Variants in FKTN observed in about 807,000 individuals in gnomAD.
FKTN encodes the protein ribitol-5-phosphate transferase FKTN.
FKTN carries 47 observed loss-of-function variants against 58.6 expected under a neutral mutation model. The observed-to-expected ratio is 0.80, with a 90% CI of 0.63 to 1.02. The LOEUF (loss-of-function observed/expected upper bound fraction) is 1.02, where lower values mean the gene tolerates loss of function less well. Ranked by LOEUF, FKTN falls within the 50% of genes least tolerant of loss-of-function variation. The pLI, the probability that FKTN is intolerant of heterozygous loss-of-function variation, is 0.00. For synonymous variants in FKTN, 178 were observed against 191.9 expected, an observed-to-expected ratio of 0.93 and a Z score of 0.60; for missense variants, 516 against 537.3, an observed-to-expected ratio of 0.96 and a Z score of 0.39.
At chr9:105,577,922 T>A (rs1842057974) in intron 3 of FKTN, among the ~76,000 whole-genome samples, 1 of 151,510 alleles carries the variant, frequency 6.6e-6, no homozygotes, top group Admixed American at 6.6e-5. Context: ...TTTTATTCTC[T>A]TTGAAGCAAT....
rs926751304 is a variant in FKTN, at chr9:105,632,324, C to T, written c.1173-2727C>T. Reference sequence around the variant, plus strand: ...GGGAGATATACCTAATGCTAGATGACGAGTTAGTGGGTGCAGTGCACCAGC... The same window carrying T: ...GGGAGATATACCTAATGCTAGATGATGAGTTAGTGGGTGCAGTGCACCAGC... On this transcript the variant is annotated intron_variant, in intron 10 of 10. Transcript: ENST00000357998. Among the ~76,000 whole-genome samples the T allele has an allele frequency of 9.9e-5, 15 of 151,390 alleles. 1 individual carries two copies. The highest frequency in any genetic ancestry group is 2.4e-4 in the African/African-American group (10 of 41,150).
intron 7 of FKTN, among the ~76,000 whole-genome samples, chr9:105,608,376 T>A (rs1384418320): frequency 6.6e-6 from 1 of 152,182 alleles, no homozygotes. Context: ...TTTTTTGCAT[T>A]TATGAAGGTT....
intron 3 of FKTN, among the ~76,000 whole-genome samples, chr9:105,589,001 T>C (rs1844386165): frequency 6.6e-6 from 1 of 152,202 alleles, no homozygotes; most frequent in Admixed American, 6.5e-5. Flanking sequence ...TGCATCTTCC[T>C]GTATAGCTAC....
At chr9:105,576,397 T>C (rs1461284474) in intron 3 of FKTN, among the ~76,000 whole-genome samples, 1 of 151,916 alleles carries the variant, frequency 6.6e-6, no homozygotes, top group Non-Finnish European at 1.5e-5. Flanking sequence ...ATTTCCCACC[T>C]ATGAGTGAGA....
intron 10 of FKTN, among the ~76,000 whole-genome samples, chr9:105,627,882 C>T (rs1030430563): frequency 2.6e-5 from 4 of 152,142 alleles, no homozygotes; most frequent in African/African-American, 9.7e-5. Context: ...GAAACTAAGT[C>T]AGATCCTCTT....
intron 3 of FKTN, among the ~76,000 whole-genome samples, chr9:105,578,631 C>G (rs1317566613): frequency 2.0e-5 from 3 of 151,868 alleles, no homozygotes; most frequent in Admixed American, 6.6e-5. Context: ...CTAAAATTCT[C>G]TTTTTTTGTT....
intron 3 of FKTN, among the ~76,000 whole-genome samples, chr9:105,580,093 A>C (rs1277094863): frequency 1.3e-5 from 2 of 151,958 alleles, no homozygotes; most frequent in African/African-American, 4.9e-5. Flanking sequence ...TGAATACAGC[A>C]TACTGGTGGG....
intron 2 of FKTN, chr9:105,574,201 G>A (rs937658341): frequency 2.0e-5 from 3 of 151,986 alleles, no homozygotes; most frequent in Non-Finnish European, 2.9e-5. Flanking sequence ...TTTATAGCTG[G>A]AGAACAAAAG....
intron 1 of FKTN, among the ~76,000 whole-genome samples, chr9:105,571,623 A>G (rs1840749245): frequency 1.3e-5 from 2 of 152,188 alleles, no homozygotes; most frequent in African/African-American, 4.8e-5. Flanking sequence ...TTTCCCATTT[A>G]TTAATTTGGG....
chr9:105,635,535 T>G lies in FKTN; in HGVS notation c.*271T>G, dbSNP rs1833970256. ...TTCCTCCTTTTGGTAAACAACTCAA[T>G]TTTCCTTTGAGGGAACCCTCCCCCA... is the stretch of plus-strand genomic sequence containing the variant. On this transcript the variant is annotated 3_prime_UTR_variant, in exon 11 of 11. Coordinates refer to ENST00000357998, the MANE Select transcript of FKTN (RefSeq NM_001079802.2). 2 of 1,318,690 alleles carry G rather than the reference T, an allele frequency of 1.5e-6. No homozygotes were observed. Among genetic ancestry groups the G allele is most frequent in the Non-Finnish European group, 1.9e-6 (2 of 1,029,446 alleles). The allele number at this position is 1,318,690 out of a possible 1,614,324, so 81.7% of individuals were successfully genotyped here. A position where few individuals can be genotyped will look rare whatever the true frequency, so the allele number is the denominator to read the frequency against.
Position 105,635,483 on chromosome 9 carries a change from G to T in FKTN, c.*219G>T. 1 of 1,420,648 alleles carries T rather than the reference G, an allele frequency of 7.0e-7. No homozygotes were observed. The highest frequency in any genetic ancestry group is 9.1e-7 in the Non-Finnish European group (1 of 1,093,224). 88.0% of individuals were successfully genotyped at this position (1,420,648 alleles called of 1,614,324 possible). ...TAGGTTACAGTGGAGAAGCCTAGATGAATGAGACAAATACCTACTTCTTTT... is the reference window on the plus strand; with the variant it reads ...TAGGTTACAGTGGAGAAGCCTAGATTAATGAGACAAATACCTACTTCTTTT... On this transcript the variant is annotated 3_prime_UTR_variant, in exon 11 of 11. Transcript: ENST00000357998.
intron 4 of FKTN, among the ~76,000 whole-genome samples, chr9:105,600,248 C>G (rs1166414255): frequency 3.3e-5 from 5 of 152,090 alleles, no homozygotes; most frequent in Admixed American, 3.3e-4. Flanking sequence ...ATCCTTTATC[C>G]TTACAATTGA....
chr9:105,582,377 G>A (rs549322179), intron 3 of FKTN, among the ~76,000 whole-genome samples: 18 of 152,224 alleles, frequency 1.2e-4, no homozygotes, highest in South Asian at 8.3e-4. Flanking sequence ...AAAATTTTTT[G>A]TAGAGACGGG....
At chr9:105,629,533 C>CT (rs1029742676) in intron 10 of FKTN, among the ~76,000 whole-genome samples, 36 of 152,136 alleles carry the variant, frequency 2.4e-4, no homozygotes, top group African/African-American at 8.0e-4. Context: ...CAACTGGAGT[C>CT]TAACTGGTTG....
In FKTN at chr9:105,619,924, T is replaced by C; in HGVS notation, c.1045-10T>C. On this transcript the variant is annotated splice_polypyrimidine_tract_variant and intron_variant, in intron 9 of 10. Transcript: ENST00000357998. Reference sequence around the variant, plus strand: ...GTTTCAGTGTGTGAAGGTTTTCATCTTCCCCATAGGTAGAAGACAGCTTGG... The same window carrying C: ...GTTTCAGTGTGTGAAGGTTTTCATCCTCCCCATAGGTAGAAGACAGCTTGG... 6.2e-7 allele frequency: 1 copy of C among 1,610,084 alleles called. No individual in the cohort carries two copies. Among genetic ancestry groups the C allele is most frequent in the Non-Finnish European group, 8.5e-7 (1 of 1,176,800 alleles).
At position 105,590,142 on chromosome 9, in the gene FKTN, C is replaced by G. The variant is rs191976437; in HGVS notation, c.106-6456C>G. ...TCTTTAATTGTAGCTCCCATAATTCCCATGTGCTGGGGGGGGACCTGGTGG... is the reference window on the plus strand; with the variant it reads ...TCTTTAATTGTAGCTCCCATAATTCGCATGTGCTGGGGGGGGACCTGGTGG... On this transcript the variant is annotated intron_variant, in intron 3 of 10. Coordinates refer to ENST00000357998, the MANE Select transcript of FKTN (RefSeq NM_001079802.2). 2.6e-5 allele frequency among the ~76,000 whole-genome samples: 4 copies of G among 152,212 alleles called. No homozygotes were observed. In the East Asian group the frequency reaches 7.7e-4, roughly 29 times the overall value.
rs1345076807 is a variant in FKTN, at chr9:105,637,157, A to G, written c.*1893A>G. 5 of 985,164 alleles carry G rather than the reference A, an allele frequency of 5.1e-6. No homozygotes were observed. In the East Asian group the frequency reaches 3.4e-4, roughly 66 times the overall value. 61.0% of individuals were successfully genotyped at this position (985,164 alleles called of 1,614,324 possible). ...ATAATACTATTTTTGGGCAAAATCC[A>G]CCCTACTTGATGAGGACCATTTGCT... On this transcript the variant is annotated 3_prime_UTR_variant, in exon 11 of 11. Transcript: ENST00000357998.
chr9:105,608,877 C>T (rs903731617), intron 7 of FKTN, among the ~76,000 whole-genome samples: 1 of 152,188 alleles, frequency 6.6e-6, no homozygotes, highest in Admixed American at 6.5e-5. Context: ...TGGGCCTACT[C>T]TAGTAGAAAA....
intron 5 of FKTN, 50 bp downstream of exon 5, chr9:105,601,398 G>C: frequency 7.7e-7 from 1 of 1,299,832 alleles, no homozygotes; most frequent in Non-Finnish European, 1.1e-6. Flanking sequence ...TTACAAAATA[G>C]TATAGGTTTA....
Sources: allele counts gnomAD v4.1 joint callset (sites outside exome capture counted in the v4.1 genomes callset), GRCh38; gene constraint gnomAD v4.1.1; transcripts MANE v1.5; gene names NCBI Gene and HGNC (gene_info 2026-07-23, HGNC 2026-07-21).